Variants in AHNAK observed in about 807,000 individuals in gnomAD.
AHNAK encodes neuroblast differentiation-associated protein AHNAK.
Under a neutral mutation model 37.8 loss-of-function variants are expected in AHNAK, and 23 were observed. The ratio of observed to expected loss-of-function variants is 0.61; its 90% CI spans 0.44 to 0.86. AHNAK has a LOEUF of 0.86. AHNAK is among the 40% of genes least tolerant of loss of function. The probability of loss-of-function intolerance (pLI) is 0.00; values close to 1 mark genes in which losing one functional copy is unlikely to be tolerated. For missense variants in AHNAK, 7,411 were observed against 7,319.4 expected, an observed-to-expected ratio of 1.01 and a Z score of -0.46; for synonymous variants, 2,481 against 2,636.3, an observed-to-expected ratio of 0.94 and a Z score of 1.80.
At chr11:62,442,611 G>C (rs190707383) in intron 5 of AHNAK, among the ~76,000 whole-genome samples, 3 of 151,820 alleles carry the variant, frequency 2.0e-5, no homozygotes, top group Non-Finnish European at 2.9e-5. Flanking sequence ...TGGCTCACGC[G>C]TGTAATCCCA....
At chr11:62,472,857 C>T (rs1445254817) in intron 5 of AHNAK, among the ~76,000 whole-genome samples, 3 of 151,928 alleles carry the variant, frequency 2.0e-5, no homozygotes, top group Admixed American at 6.6e-5. Flanking sequence ...GAGGCCAAGG[C>T]GGGTGGATCG....
rs1244358426 is a variant in AHNAK, at chr11:62,517,346, T to C, written c.17071A>G (p.Ile5691Val). The C allele has an allele frequency of 3.1e-6, 5 of 1,614,112 alleles. No individual in the cohort carries two copies. In the African/African-American group the frequency reaches 4.0e-5, roughly 13 times the overall value. Reference protein sequence around the residue: ...DVHFPKAEASIQAGAGDGEWE... With the variant: ...DVHFPKAEASVQAGAGDGEWE... ...TCGCCGTCTCCAGCACCAGCTTGGA[T>C]GCTGGCCTCTGCTTTAGGGAAGTGA... Residue 5691 changes from isoleucine (I) to valine (V), a missense_variant, in exon 5 of 5, where the codon ATC (isoleucine) becomes GTC (valine). Ile to Val is a conservative substitution (Grantham distance 29). Coordinates refer to ENST00000378024, the MANE Select transcript of AHNAK (RefSeq NM_001620.3).
At chr11:62,495,642 G>A (rs1322228694) in intron 4 of AHNAK, among the ~76,000 whole-genome samples, 3 of 151,736 alleles carry the variant, frequency 2.0e-5, no homozygotes, top group Non-Finnish European at 2.9e-5. Context: ...GGGAAGCTGA[G>A]GTAGGAGAAT....
chr11:62,527,090 T>A lies in AHNAK; in HGVS notation c.7327A>T (p.Met2443Leu). 1 of 1,614,168 alleles carries A rather than the reference T, an allele frequency of 6.2e-7. No individual in the cohort carries two copies. ...GGGGCTTTGAAATGCATATCAGGCA[T>A]CTTGAACTTAGGGCCTTTCAATTTG... ...EGKLKGPKFK[M>L]PDMHFKAPNI... Residue 2443 changes from methionine (M) to leucine (L), a missense_variant, in exon 5 of 5, where the codon ATG becomes TTG. Transcript: ENST00000378024.
chr11:62,544,994 G>A (rs1046021100), intron 1 of AHNAK, among the ~76,000 whole-genome samples: 4 of 152,156 alleles, frequency 2.6e-5, no homozygotes, highest in African/African-American at 7.2e-5. Context: ...AATGAAGACG[G>A]GTTCGAAACC....
chr11:62,463,343 A>G (rs959669636), intron 5 of AHNAK, among the ~76,000 whole-genome samples: 2 of 152,022 alleles, frequency 1.3e-5, no homozygotes, highest in African/African-American at 4.8e-5. Flanking sequence ...GTCACTTTAA[A>G]TTTGTGACCA....
chr11:62,456,094 C>G (rs530562726), intron 5 of AHNAK, among the ~76,000 whole-genome samples: 1 of 152,194 alleles, frequency 6.6e-6, no homozygotes, highest in East Asian at 1.9e-4. Context: ...GGTACACAAG[C>G]ACAGAGGCAA....
chr11:62,490,415 G>C (rs1260915801), intron 5 of AHNAK, among the ~76,000 whole-genome samples: 1 of 151,922 alleles, frequency 6.6e-6, no homozygotes, highest in South Asian at 2.1e-4. Flanking sequence ...TGGCCAGGCT[G>C]GTCTCGAACT....
At chr11:62,457,029 G>T (rs1447877853) in intron 5 of AHNAK, among the ~76,000 whole-genome samples, 1 of 152,150 alleles carries the variant, frequency 6.6e-6, no homozygotes, top group African/African-American at 2.4e-5. Context: ...GGATGGGCAC[G>T]GTGGCTTATG....
chr11:62,465,211 G>A (rs761935576), intron 5 of AHNAK, among the ~76,000 whole-genome samples: 1 of 152,110 alleles, frequency 6.6e-6, no homozygotes, highest in Non-Finnish European at 1.5e-5. Context: ...TGGCCCTTGC[G>A]GTGGATAGAG....
chr11:62,480,560 T>G (rs1208111997), intron 5 of AHNAK, among the ~76,000 whole-genome samples: 1 of 150,996 alleles, frequency 6.6e-6, no homozygotes, highest in Admixed American at 6.6e-5. Flanking sequence ...ACGTGGGAGG[T>G]TGAAGCAGGA....
At position 62,436,041 on chromosome 11, in the gene AHNAK, G is replaced by A. The variant is rs544941707; in HGVS notation, c.443-2150C>T. Among the ~76,000 whole-genome samples, 4 of 152,320 alleles carry A rather than the reference G, an allele frequency of 2.6e-5. No homozygotes were observed. In the South Asian group the frequency reaches 8.3e-4, roughly 32 times the overall value. ...CCAAGAGCCTCACTGTTTAAAAGGA[G>A]CAGAGCTGGAGTTCAAGCCTGGCTC... On this transcript the variant is annotated intron_variant, in intron 5 of 5. Transcript: ENST00000257247.
At chr11:62,449,080 A>G (rs929972071) in intron 5 of AHNAK, among the ~76,000 whole-genome samples, 1 of 152,034 alleles carries the variant, frequency 6.6e-6, no homozygotes, top group Non-Finnish European at 1.5e-5. Context: ...AGATAATAAT[A>G]ATAATAATAA....
At chr11:62,507,918 A>C (rs1669351527) in intron 4 of AHNAK, among the ~76,000 whole-genome samples, 2 of 152,224 alleles carry the variant, frequency 1.3e-5, no homozygotes, top group Non-Finnish European at 2.9e-5. Flanking sequence ...CATTGAAGAA[A>C]GGGGCTTTGC....
intron 5 of AHNAK, among the ~76,000 whole-genome samples, chr11:62,484,875 C>T (rs1939357533): frequency 6.6e-6 from 1 of 152,192 alleles, no homozygotes; most frequent in Non-Finnish European, 1.5e-5. Context: ...CCACAACCTC[C>T]GCCTCCCGGG....
intron 5 of AHNAK, among the ~76,000 whole-genome samples, chr11:62,448,066 C>T (rs1199457601): frequency 6.6e-6 from 1 of 151,908 alleles, no homozygotes; most frequent in Non-Finnish European, 1.5e-5. Context: ...AAGGCAAGGA[C>T]GAGCATTCCC....
intron 4 of AHNAK, among the ~76,000 whole-genome samples, chr11:62,534,359 T>TA (rs1229299153): frequency 6.6e-6 from 1 of 152,058 alleles, no homozygotes; most frequent in Non-Finnish European, 1.5e-5. Context: ...TCCATTCAGT[T>TA]AGAGATTCAA....
intron 5 of AHNAK, among the ~76,000 whole-genome samples, chr11:62,448,396 A>C (rs546379394): frequency 2.0e-5 from 3 of 152,288 alleles, no homozygotes; most frequent in African/African-American, 7.2e-5. Flanking sequence ...TCCAGGTGAG[A>C]TGGTGGTGAC....
At chr11:62,466,677 C>G (rs1185218300) in intron 5 of AHNAK, among the ~76,000 whole-genome samples, 1 of 152,174 alleles carries the variant, frequency 6.6e-6, no homozygotes, top group Non-Finnish European at 1.5e-5. Context: ...ATCATCGCAT[C>G]TTGCCTCACT....
Sources: allele counts gnomAD v4.1 joint callset (sites outside exome capture counted in the v4.1 genomes callset), GRCh38; gene constraint gnomAD v4.1.1; transcripts MANE v1.5; gene names NCBI Gene and HGNC (gene_info 2026-07-23, HGNC 2026-07-21).